Variants in OSBPL9 observed in about 807,000 individuals in gnomAD.
The protein encoded by OSBPL9 is oxysterol-binding protein-related protein 9.
A neutral mutation model predicts 106.6 loss-of-function variants in OSBPL9; 40 were observed. That is an observed-to-expected ratio of 0.38 (90% CI 0.29 to 0.49). The LOEUF (loss-of-function observed/expected upper bound fraction) is 0.49, where lower values mean the gene tolerates loss of function less well. Among genes scored for constraint, OSBPL9 ranks in the 20% least tolerant of loss-of-function variants. OSBPL9 has a pLI of 0.97. For synonymous variants in OSBPL9, 269 were observed against 295.4 expected (o/e 0.91, Z 0.92); for missense variants, 609 against 887.2 (o/e 0.69, Z 3.98).
rs192568001 is a variant in OSBPL9, at chr1:51,752,100, T to G, written c.543+1905T>G. Among the ~76,000 whole-genome samples, 14 of 152,326 alleles carry G rather than the reference T, an allele frequency of 9.2e-5. No individual in the cohort carries two copies. In the East Asian group the frequency reaches 1.3e-3, roughly 15 times the overall value. ...CACTTGCCTGCTCAAATACCCCTGA[T>G]GTTTTCCATCTCATTTGGAATGAAA... On this transcript the variant is annotated intron_variant, in intron 8 of 23. Coordinates refer to ENST00000428468, the MANE Select transcript of OSBPL9 (RefSeq NM_024586.6).
intron 1 of OSBPL9, among the ~76,000 whole-genome samples, chr1:51,590,032 CAAAA>C (rs941103745): frequency 9.9e-5 from 5 of 50,284 alleles, no homozygotes; most frequent in African/African-American, 2.1e-4. Context: ...GACTCCGTCT[CAAAA>C]AAAAAAAAAA....
At chr1:51,741,516 C>T (rs1054379606) in intron 4 of OSBPL9, among the ~76,000 whole-genome samples, 6 of 149,134 alleles carry the variant, frequency 4.0e-5, no homozygotes, top group African/African-American at 1.5e-4. Context: ...TCCCCTTGCC[C>T]TTCCCTTCCC....
rs1677688005 is a variant in OSBPL9, at chr1:51,786,579, G to C, written c.1962G>C (p.Val654=). 1.2e-6 allele frequency: 2 copies of C among 1,612,838 alleles called. No homozygotes were observed. Among genetic ancestry groups the C allele is most frequent in the South Asian group, 2.2e-5 (2 of 91,050 alleles). Residue 654 remains valine, a synonymous_variant, in exon 22 of 24, where the codon GTG becomes GTC. Coordinates refer to ENST00000428468, the MANE Select transcript of OSBPL9 (RefSeq NM_024586.6). ...AGTTGCCTATAATCAAGAAGAAAGT[G>C]AGGAAGTTGGAAGATCAGAACGAGT... is the stretch of plus-strand genomic sequence containing the variant. The part of the protein sequence containing the change: ...TKKLPIIKKK[V]RKLEDQNEYE...
intron 3 of OSBPL9, among the ~76,000 whole-genome samples, chr1:51,701,362 T>C (rs192181629): frequency 6.6e-4 from 101 of 152,394 alleles, no homozygotes; most frequent in African/African-American, 2.4e-3. Flanking sequence ...AGTCCAGTAC[T>C]CTGTGAATTT....
At chr1:51,697,530 T>A (rs970998677) in intron 3 of OSBPL9, among the ~76,000 whole-genome samples, 8 of 147,350 alleles carry the variant, frequency 5.4e-5, no homozygotes, top group Non-Finnish European at 8.9e-5. Context: ...CAGGCAGTAA[T>A]ATATTCACAG....
the OSBPL9 span, among the ~76,000 whole-genome samples, chr1:51,564,529 C>T: frequency 1.3e-5 from 2 of 152,176 alleles, no homozygotes; most frequent in African/African-American, 4.8e-5. Context: ...CCTACCCCAA[C>T]TTTTATATTT....
At chr1:51,639,258 C>T (rs1264600576) in intron 1 of OSBPL9, among the ~76,000 whole-genome samples, 1 of 152,186 alleles carries the variant, frequency 6.6e-6, no homozygotes, top group Non-Finnish European at 1.5e-5. Flanking sequence ...TTCCTGTCTT[C>T]ATGGGTTAGT....
chr1:51,691,389 C>T (rs1042407865), intron 3 of OSBPL9, among the ~76,000 whole-genome samples: 1 of 149,846 alleles, frequency 6.7e-6, no homozygotes. Context: ...AAGCGATTCT[C>T]CTGCCTCAGC....
chr1:51,750,159 A>G lies in OSBPL9; in HGVS notation c.507A>G (p.Ser169=). The G allele has an allele frequency of 6.2e-7, 1 of 1,606,692 alleles. No individual in the cohort carries two copies. The highest frequency in any genetic ancestry group is 1.1e-5 in the South Asian group (1 of 89,468). The stretch of plus-strand genomic sequence containing the variant: ...TGTTTTTATAGAGCATGGTAGAATC[A>G]ATTAAACACTGCATTGTGTTGCTGC... ...LKETTNSMVE[S]IKHCIVLLQI... is the part of the protein sequence containing the mutation. The change falls in exon 8 of 24, where the codon TCA becomes TCG. Residue 169 remains serine (S), a synonymous_variant. Transcript: ENST00000428468.
At chr1:51,705,399 ATTTTTTTTTTTT>A (rs869169566) in intron 3 of OSBPL9, among the ~76,000 whole-genome samples, 92 of 40,406 alleles carry the variant, frequency 2.3e-3, no homozygotes, top group East Asian at 0.016. Flanking sequence ...ATATATATAT[ATTTTTTTTTTTT>A]TTTTTTTTTT....
Position 51,608,678 on chromosome 1 carries a change from G to C in OSBPL9, c.-352-5627G>C, listed in dbSNP as rs544903792. ...GATGGTCACCTGACATTCCTGGATT[G>C]GGGGGGGGGGCTTTCCTGCCCTGCT... On this transcript the variant is annotated intron_variant, in intron 2 of 25. Transcript: ENST00000371714. Among the ~76,000 whole-genome samples, 17 of 85,342 alleles carry C rather than the reference G, an allele frequency of 2.0e-4. No homozygotes were observed. In the South Asian group the frequency reaches 3.4e-3, roughly 17 times the overall value. The allele number at this position is 85,342 out of a possible 152,430, so 56.0% of individuals were successfully genotyped here.
the OSBPL9 span, among the ~76,000 whole-genome samples, chr1:51,526,082 G>T: frequency 7.5e-3 from 1,141 of 152,236 alleles, 14 homozygotes; most frequent in African/African-American, 0.026. Context: ...TTGCCACATT[G>T]CCCAGGTTGG....
At chr1:51,775,735 C>T (rs1674920849) in intron 14 of OSBPL9, among the ~76,000 whole-genome samples, 1 of 152,078 alleles carries the variant, frequency 6.6e-6, no homozygotes, top group African/African-American at 2.4e-5. Flanking sequence ...CTCAGCCTCT[C>T]GAGTAGCTGG....
At chr1:51,752,737 C>G (rs968246985) in intron 8 of OSBPL9, 5 of 339,212 alleles carry the variant, frequency 1.5e-5, no homozygotes, top group Admixed American at 3.7e-5. Flanking sequence ...TGAGTATGCA[C>G]AGAGAGAGGG....
chr1:51,544,733 C>T, the OSBPL9 span, among the ~76,000 whole-genome samples: 1 of 150,100 alleles, frequency 6.7e-6, no homozygotes, highest in Non-Finnish European at 1.5e-5. Context: ...GAGGATAGAA[C>T]TAAATCTTAA....
chr1:51,733,808 C>T (rs1172977807), intron 4 of OSBPL9, among the ~76,000 whole-genome samples: 1 of 151,834 alleles, frequency 6.6e-6, no homozygotes, highest in Non-Finnish European at 1.5e-5. Flanking sequence ...GGCAGACTTC[C>T]AGGACTCCCC....
intron 11 of OSBPL9, chr1:51,765,484 C>T (rs768422879): frequency 2.4e-5 from 4 of 163,340 alleles, no homozygotes; most frequent in South Asian, 1.9e-4. Context: ...ATAAGAGTCC[C>T]GGCATCCCAT....
intron 1 of OSBPL9, among the ~76,000 whole-genome samples, chr1:51,578,646 C>A (rs1255724871): frequency 1.4e-5 from 2 of 143,866 alleles, no homozygotes. Context: ...CTTCTGCACC[C>A]TTGTTTTGGG....
intron 3 of OSBPL9, among the ~76,000 whole-genome samples, chr1:51,678,062 A>G (rs1651705220): frequency 6.6e-6 from 1 of 151,840 alleles, no homozygotes; most frequent in African/African-American, 2.4e-5. Context: ...GTGTGCCTGT[A>G]GTCCCAGCTA....
Sources: allele counts gnomAD v4.1 joint callset (sites outside exome capture counted in the v4.1 genomes callset), GRCh38; gene constraint gnomAD v4.1.1; transcripts MANE v1.5; gene names NCBI Gene and HGNC (gene_info 2026-07-23, HGNC 2026-07-21).